PHACTR1: variants seen among roughly 807,000 people sequenced by gnomAD.
PHACTR1 encodes the protein phosphatase and actin regulator 1, also known as RPEL repeat containing 1.
PHACTR1 carries 16 observed loss-of-function variants against 69.2 expected under a neutral mutation model. That is an observed-to-expected ratio of 0.23 (90% CI 0.16 to 0.35). The LOEUF is 0.35. PHACTR1 is among the 10% of genes least tolerant of loss of function. The probability of loss-of-function intolerance (pLI) is 1.00; values close to 1 mark genes in which losing one functional copy is unlikely to be tolerated. For synonymous variants in PHACTR1, 312 were observed against 284.5 expected, an observed-to-expected ratio of 1.10 and a Z score of -0.97; for missense variants, 510 against 734.7, an observed-to-expected ratio of 0.69 and a Z score of 3.54.
intron 10 of PHACTR1, among the ~76,000 whole-genome samples, chr6:13,247,326 C>CATGTGTGT (rs71552738): frequency 7.2e-6 from 1 of 138,998 alleles, no homozygotes; most frequent in Admixed American, 7.2e-5. Context: ...CAAGTTCCCT[C>CATGTGTGT]GTGTGTGTGT....
chr6:12,894,107 T>C (rs1784414869), intron 4 of PHACTR1, among the ~76,000 whole-genome samples: 1 of 152,210 alleles, frequency 6.6e-6, no homozygotes, highest in African/African-American at 2.4e-5. Flanking sequence ...AGTTGAATGA[T>C]TGGGCACAGG....
At chr6:12,763,866 G>A (rs1768309974) in intron 4 of PHACTR1, among the ~76,000 whole-genome samples, 2 of 151,978 alleles carry the variant, frequency 1.3e-5, no homozygotes. Context: ...GACCTTTGGT[G>A]GCAAGGGGCA....
chr6:12,756,623 C>A (rs1192235542), intron 4 of PHACTR1, among the ~76,000 whole-genome samples: 1 of 152,160 alleles, frequency 6.6e-6, no homozygotes, highest in African/African-American at 2.4e-5. Context: ...AGCCTGTAGG[C>A]TTTCTATTGA....
rs573252601 is a variant in PHACTR1 at position 12,802,684 on chromosome 6, T to G, written c.250+52894T>G. On this transcript the variant is annotated intron_variant, in intron 4 of 14. Transcript: ENST00000332995. ...CATCAAGTACAAGATACATTCTGAT[T>G]TCTTAAATGCTAAAATGTTTTTACA... Among the ~76,000 whole-genome samples the G allele has an allele frequency of 2.0e-5, 3 of 152,328 alleles. No homozygotes were observed. In the East Asian group the frequency reaches 5.8e-4, roughly 29 times the overall value.
chr6:12,813,740 T>A (rs1775276471), intron 4 of PHACTR1, among the ~76,000 whole-genome samples: 1 of 152,164 alleles, frequency 6.6e-6, no homozygotes. Flanking sequence ...AGCAGCTAGA[T>A]GAAGGCCAAC....
chr6:13,243,183 G>GT (rs537467371), intron 10 of PHACTR1, among the ~76,000 whole-genome samples: 3 of 151,130 alleles, frequency 2.0e-5, no homozygotes, highest in Admixed American at 6.6e-5. Context: ...TGATTCTGAG[G>GT]TTTTTTTCCT....
At chr6:13,194,198 A>C (rs1764020828) in intron 7 of PHACTR1, among the ~76,000 whole-genome samples, 1 of 152,072 alleles carries the variant, frequency 6.6e-6, no homozygotes, top group African/African-American at 2.4e-5. Context: ...AGGTCAAGAG[A>C]TCAAGACCAT....
intron 5 of PHACTR1, among the ~76,000 whole-genome samples, chr6:13,093,850 C>G (rs1458918096): frequency 6.6e-6 from 1 of 152,158 alleles, no homozygotes; most frequent in Admixed American, 6.6e-5. Flanking sequence ...AAGAGCCAGT[C>G]TTTCACCAAG....
intron 4 of PHACTR1, among the ~76,000 whole-genome samples, chr6:13,005,497 A>G (rs974844209): frequency 4.6e-5 from 7 of 152,168 alleles, no homozygotes; most frequent in Non-Finnish European, 8.8e-5. Flanking sequence ...ACAAACTGTT[A>G]TATTAATTTG....
intron 6 of PHACTR1, among the ~76,000 whole-genome samples, chr6:13,171,684 GC>G (rs1167993174): frequency 2.0e-5 from 3 of 152,134 alleles, no homozygotes; most frequent in Non-Finnish European, 2.9e-5. Flanking sequence ...TCTAATGAAT[GC>G]CCTATTTGAG....
intron 4 of PHACTR1, among the ~76,000 whole-genome samples, chr6:13,018,246 G>A (rs1328526079): frequency 6.6e-6 from 1 of 152,104 alleles, no homozygotes; most frequent in Non-Finnish European, 1.5e-5. Flanking sequence ...AGGATTAAGT[G>A]AGCAGTCTAC....
intron 8 of PHACTR1, among the ~76,000 whole-genome samples, chr6:13,213,691 C>T (rs1767228045): frequency 6.6e-6 from 1 of 152,202 alleles, no homozygotes; most frequent in Non-Finnish European, 1.5e-5. Context: ...CTGGACTTCA[C>T]ACAGCAGCAT....
intron 4 of PHACTR1, among the ~76,000 whole-genome samples, chr6:12,961,718 A>G (rs1045903105): frequency 6.6e-6 from 1 of 152,234 alleles, no homozygotes; most frequent in African/African-American, 2.4e-5. Flanking sequence ...GGCTGCCATA[A>G]CAAAATACTA....
At chr6:13,057,595 T>C (rs1437053063) in intron 5 of PHACTR1, among the ~76,000 whole-genome samples, 1 of 152,214 alleles carries the variant, frequency 6.6e-6, no homozygotes, top group African/African-American at 2.4e-5. Context: ...ATGTGTCTCT[T>C]TGTAATTAAA....
chr6:12,921,842 A>AGATGGAGGGAGGGAGGGACGGAGGGAGG lies in PHACTR1; in HGVS notation c.251-131521_251-131520insTGGAGGGAGGGAGGGACGGAGGGAGGGA, dbSNP rs1787755164. 2.7e-5 allele frequency among the ~76,000 whole-genome samples: 3 copies of AGATGGAGGGAGGGAGGGACGGAGGGAGG among 109,752 alleles called. 1 individual carries two copies. The highest frequency in any genetic ancestry group is 5.6e-5 in the Non-Finnish European group (3 of 53,562). The allele number at this position is 109,752 out of a possible 152,430, so 72.0% of individuals were successfully genotyped here. On this transcript the variant is annotated intron_variant, in intron 4 of 14. Transcript: ENST00000332995. ...AGGGGGAAGGAAGGAAGGGAGGGAG[A>AGATGGAGGGAGGGAGGGACGGAGGGAGG]GAGGGAGGCAGGAAGGCAAGAAGGC... is the stretch of plus-strand genomic sequence containing the variant.
chr6:13,069,059 C>T (rs184076720), intron 5 of PHACTR1, among the ~76,000 whole-genome samples: 3 of 152,112 alleles, frequency 2.0e-5, no homozygotes, highest in South Asian at 2.1e-4. Flanking sequence ...GTGCAGGCCC[C>T]GAGGCCAGTG....
At chr6:12,974,971 T>C (rs774686718) in intron 4 of PHACTR1, among the ~76,000 whole-genome samples, 35 of 152,216 alleles carry the variant, frequency 2.3e-4, no homozygotes, top group Non-Finnish European at 4.3e-4. Flanking sequence ...TGATCACTGC[T>C]TCATTGAGCA....
At chr6:12,859,550 C>T (rs1780733795) in intron 4 of PHACTR1, among the ~76,000 whole-genome samples, 1 of 152,070 alleles carries the variant, frequency 6.6e-6, no homozygotes, top group Admixed American at 6.5e-5. Context: ...GGGTTTTATG[C>T]AGGTAAAAGT....
chr6:13,065,684 C>T (rs1352691693), intron 5 of PHACTR1, among the ~76,000 whole-genome samples: 1 of 152,092 alleles, frequency 6.6e-6, no homozygotes, highest in East Asian at 1.9e-4. Flanking sequence ...TTGTGTCAAG[C>T]TGCAAAATTT....
Sources: gnomAD v4.1 joint callset for allele counts (sites outside exome capture counted in the v4.1 genomes callset) on GRCh38, gnomAD v4.1.1 for gene constraint, MANE v1.5 for transcripts, NCBI Gene and HGNC (gene_info 2026-07-23, HGNC 2026-07-21) for gene names.